The following PDE9A variants were observed in gnomAD, a reference collection of about 807,000 sequenced individuals.
PDE9A encodes the protein high affinity cGMP-specific 3',5'-cyclic phosphodiesterase 9A.
In PDE9A, 60 loss-of-function variants were observed where a neutral mutation model predicts 87.4. The ratio of observed to expected loss-of-function variants is 0.69; its 90% confidence interval spans 0.56 to 0.85. The LOEUF (loss-of-function observed/expected upper bound fraction) is 0.85, where lower values mean the gene tolerates loss of function less well. Among genes scored for constraint, PDE9A ranks in the 40% least tolerant of loss-of-function variants. PDE9A has a pLI of 0.00. For synonymous variants in PDE9A, 272 were observed against 279.4 expected (o/e 0.97, Z 0.27); for missense variants, 665 against 779.0 (o/e 0.85, Z 1.74).
chr21:42,690,883 G>A (rs1044372157), intron 3 of PDE9A, among the ~76,000 whole-genome samples: 2 of 152,040 alleles, frequency 1.3e-5, no homozygotes, highest in African/African-American at 2.4e-5. Flanking sequence ...CTGCTTATCC[G>A]CTAGGTGCCA....
At chr21:42,748,345 G>A (rs1347813786) in intron 8 of PDE9A, among the ~76,000 whole-genome samples, 1 of 152,204 alleles carries the variant, frequency 6.6e-6, no homozygotes, top group Non-Finnish European at 1.5e-5. Flanking sequence ...ATACTTTGCT[G>A]AATCTGTTAG....
intron 4 of PDE9A, among the ~76,000 whole-genome samples, chr21:42,727,182 C>T (rs1282094608): frequency 6.6e-6 from 1 of 151,344 alleles, no homozygotes; most frequent in African/African-American, 2.4e-5. Context: ...TCTTCCAACC[C>T]ATTAACATGG....
intron 15 of PDE9A, among the ~76,000 whole-genome samples, chr21:42,767,459 C>T (rs1456792063): frequency 8.5e-5 from 13 of 152,078 alleles, no homozygotes; most frequent in African/African-American, 3.1e-4. Flanking sequence ...AAAGGAAGGG[C>T]GACCACAGCA....
At chr21:42,746,452 C>T (rs902234752) in intron 8 of PDE9A, among the ~76,000 whole-genome samples, 28 of 152,206 alleles carry the variant, frequency 1.8e-4, no homozygotes, top group Admixed American at 9.8e-4. Context: ...TGGTGGCTGC[C>T]GGCGGCATTC....
At chr21:42,682,253 G>A (rs1429530586) in intron 1 of PDE9A, among the ~76,000 whole-genome samples, 2 of 152,250 alleles carry the variant, frequency 1.3e-5, no homozygotes, top group African/African-American at 4.8e-5. Context: ...AATGTATAAG[G>A]AGTGAAGCAA....
chr21:42,661,342 T>A (rs941267792), intron 1 of PDE9A, among the ~76,000 whole-genome samples: 9 of 151,686 alleles, frequency 5.9e-5, no homozygotes, highest in South Asian at 2.1e-4. Flanking sequence ...TTTTTTTTTT[T>A]AATTTTAAAT....
At chr21:42,670,827 A>G (rs945220730) in intron 1 of PDE9A, among the ~76,000 whole-genome samples, 3 of 152,098 alleles carry the variant, frequency 2.0e-5, no homozygotes, top group Middle Eastern at 3.2e-3. Flanking sequence ...ACACACACGG[A>G]TGCATTAGTT....
chr21:42,775,143 T>C, intron 19 of PDE9A, 137 bp from the exon 20 acceptor site: 4 of 701,698 alleles, frequency 5.7e-6, no homozygotes, highest in Non-Finnish European at 9.8e-6. Flanking sequence ...GGTTTCACCA[T>C]GTTGGTCAGC....
intron 10 of PDE9A, 124 bp from the exon 11 acceptor site, chr21:42,758,875 G>GTC: frequency 1.5e-6 from 1 of 670,720 alleles, no homozygotes. Flanking sequence ...TTTCTGGGAG[G>GTC]GGGAGAACCC....
In PDE9A at chr21:42,685,467, C is replaced by CTTTT. The variant is rs765252066; in HGVS notation, c.70-712_70-709dup. ...CAGTCCCCAAATACCGAAAGGCAGT[C>CTTTT]TTTTTTTTTTTTTTTTGAGACGGAG... On this transcript the variant is annotated intron_variant, in intron 1 of 19. Transcript: ENST00000291539. 1.9e-4 allele frequency among the ~76,000 whole-genome samples: 22 copies of CTTTT among 115,952 alleles called. No individual in the cohort carries two copies. In the South Asian group the frequency reaches 2.5e-3, roughly 13 times the overall value. The allele number at this position is 115,952 out of a possible 152,430, so 76.1% of individuals were successfully genotyped here. A position where few individuals can be genotyped will look rare whatever the true frequency, so the allele number is the denominator to read the frequency against.
At chr21:42,744,017 C>CT (rs1024098322) in intron 8 of PDE9A, among the ~76,000 whole-genome samples, 157 bp downstream of exon 8, 2 of 152,188 alleles carry the variant, frequency 1.3e-5, no homozygotes, top group African/African-American at 4.8e-5. Flanking sequence ...AGCCACCCTG[C>CT]TTGCGACCTG....
intron 1 of PDE9A, among the ~76,000 whole-genome samples, chr21:42,666,608 G>A (rs900872755): frequency 1.3e-5 from 2 of 152,160 alleles, no homozygotes; most frequent in African/African-American, 2.4e-5. Flanking sequence ...GCTGCAGCAG[G>A]GCTGGTTCCT....
chr21:42,654,420 G>A (rs1000748612), intron 1 of PDE9A, among the ~76,000 whole-genome samples: 25 of 152,310 alleles, frequency 1.6e-4, no homozygotes, highest in African/African-American at 6.0e-4. Context: ...TGCGGAGATA[G>A]GAAGTCCCTC....
intron 10 of PDE9A, among the ~76,000 whole-genome samples, chr21:42,755,918 C>T (rs2054992336): frequency 6.6e-6 from 1 of 152,272 alleles, no homozygotes; most frequent in African/African-American, 2.4e-5. Context: ...TTTTCTGCCA[C>T]CTTCTACCAG....
intron 7 of PDE9A, among the ~76,000 whole-genome samples, chr21:42,740,802 C>A (rs973983177): frequency 7.9e-6 from 1 of 126,594 alleles, no homozygotes; most frequent in Admixed American, 7.8e-5. Context: ...GATAGATAAA[C>A]AGGATGAATA....
chr21:42,738,935 C>T (rs1226298646), intron 7 of PDE9A, among the ~76,000 whole-genome samples: 4 of 152,236 alleles, frequency 2.6e-5, no homozygotes, highest in Non-Finnish European at 5.9e-5. Flanking sequence ...AGGTGATCCA[C>T]CTGCCTTGGC....
In PDE9A at chr21:42,659,928, A is replaced by C. The variant is rs910281175; in HGVS notation, c.69+6045A>C. Among the ~76,000 whole-genome samples the C allele has an allele frequency of 6.6e-6, 1 of 152,240 alleles. No homozygotes were observed. Among genetic ancestry groups the C allele is most frequent in the African/African-American group, 2.4e-5 (1 of 41,474 alleles). ...AGACGCCTCAGATGAACTGACATGC[A>C]AATGAGAGATGAAACGGGGACGAGC... On this transcript the variant is annotated intron_variant, in intron 1 of 19. Coordinates refer to ENST00000291539, the MANE Select transcript of PDE9A (RefSeq NM_002606.3). This position sits in a 1 kb window ranked among gnomAD's most constrained non-coding sequence, Gnocchi z 4.1.
intron 1 of PDE9A, 95 bp from the exon 2 acceptor site, chr21:42,686,097 T>C: frequency 2.3e-6 from 2 of 855,416 alleles, no homozygotes; most frequent in Non-Finnish European, 3.9e-6. Flanking sequence ...AAAACGAACC[T>C]TCAGTTTGGA....
At chr21:42,691,183 C>T (rs1030020168) in intron 3 of PDE9A, among the ~76,000 whole-genome samples, 15 of 150,866 alleles carry the variant, frequency 9.9e-5, no homozygotes, top group Non-Finnish European at 1.9e-4. Context: ...AGTCACCAGC[C>T]CCTTTACCAT....
Sources: allele counts gnomAD v4.1 joint callset (sites outside exome capture counted in the v4.1 genomes callset), GRCh38; gene constraint gnomAD v4.1.1; non-coding constraint Gnocchi (gnomAD v3.1); transcripts MANE v1.5; gene names NCBI Gene and HGNC (gene_info 2026-07-23, HGNC 2026-07-21).